The following FHIT variants were observed in gnomAD, a reference collection of about 807,000 sequenced individuals.
FHIT encodes the protein bis(5'-adenosyl)-triphosphatase.
In FHIT, 19 loss-of-function variants were observed where a neutral mutation model predicts 17.9. The observed-to-expected ratio is 1.06, with a 90% confidence interval of 0.74 to 1.56. The LOEUF (loss-of-function observed/expected upper bound fraction) is 1.56. Among genes scored for constraint, FHIT ranks in the 40% most tolerant of loss-of-function variants. The pLI is 0.00. For synonymous variants in FHIT, 81 were observed against 69.7 expected (o/e 1.16, Z -0.81); for missense variants, 248 against 189.2 (o/e 1.31, Z -1.82).
chr3:60,529,773 G>C (rs948477327), intron 5 of FHIT, among the ~76,000 whole-genome samples: 3 of 152,086 alleles, frequency 2.0e-5, no homozygotes, highest in South Asian at 2.1e-4. Context: ...CCAAATTACA[G>C]GATACCCATG....
intron 5 of FHIT, among the ~76,000 whole-genome samples, chr3:60,155,925 C>T (rs1040337): frequency 0.58 from 88,252 of 152,020 alleles, 26,325 homozygotes; most frequent in Middle Eastern, 0.67. Flanking sequence ...AGACATAAAG[C>T]GTGCAAAAGC....
At chr3:59,863,421 C>T (rs1559675164) in intron 8 of FHIT, among the ~76,000 whole-genome samples, 1 of 152,212 alleles carries the variant, frequency 6.6e-6, no homozygotes, top group Non-Finnish European at 1.5e-5. Context: ...GAAGAAACAA[C>T]GCCTGCAACG....
At chr3:59,877,171 A>G (rs1359176526) in intron 8 of FHIT, among the ~76,000 whole-genome samples, 1 of 152,192 alleles carries the variant, frequency 6.6e-6, no homozygotes, top group Non-Finnish European at 1.5e-5. Flanking sequence ...TGATGTAACC[A>G]TTCATTATCT....
chr3:60,875,510 G>A (rs548234748), intron 3 of FHIT, among the ~76,000 whole-genome samples: 1 of 152,280 alleles, frequency 6.6e-6, no homozygotes, highest in African/African-American at 2.4e-5. Flanking sequence ...TGTTCAGCAT[G>A]CAGGGACCTT....
At chr3:60,220,227 G>A (rs566873927) in intron 5 of FHIT, among the ~76,000 whole-genome samples, 2 of 152,132 alleles carry the variant, frequency 1.3e-5, no homozygotes, top group African/African-American at 4.8e-5. Context: ...TTGGTTTTGG[G>A]AACATTTTAT....
chr3:60,237,302 C>T (rs1704853172), intron 5 of FHIT, among the ~76,000 whole-genome samples: 1 of 139,928 alleles, frequency 7.1e-6, no homozygotes, highest in South Asian at 2.3e-4. Context: ...ATGATAGCAC[C>T]TATTTCCTAC....
At chr3:59,941,813 C>T (rs1013364567) in intron 7 of FHIT, among the ~76,000 whole-genome samples, 8 of 152,086 alleles carry the variant, frequency 5.3e-5, no homozygotes, top group African/African-American at 1.9e-4. Flanking sequence ...TGACAATGAT[C>T]CCCAATGCAT....
chr3:60,524,227 C>G (rs928403971), intron 5 of FHIT, among the ~76,000 whole-genome samples: 33 of 103,612 alleles, frequency 3.2e-4, no homozygotes, highest in Middle Eastern at 4.1e-3. Flanking sequence ...CACACACACA[C>G]ACACACACAC....
intron 4 of FHIT, among the ~76,000 whole-genome samples, chr3:60,612,822 T>A (rs1472099570): frequency 6.6e-6 from 1 of 152,192 alleles, no homozygotes; most frequent in African/African-American, 2.4e-5. Context: ...GCAGACATTA[T>A]TAATCAATAA....
chr3:60,062,393 A>G (rs931291900), intron 5 of FHIT, among the ~76,000 whole-genome samples: 2 of 152,186 alleles, frequency 1.3e-5, no homozygotes, highest in African/African-American at 4.8e-5. Flanking sequence ...CTTATTTTCT[A>G]AGCACCTCCT....
At chr3:60,555,663 C>G (rs938282157) in intron 4 of FHIT, among the ~76,000 whole-genome samples, 1 of 152,174 alleles carries the variant, frequency 6.6e-6, no homozygotes, top group East Asian at 1.9e-4. Flanking sequence ...TCCTACCCAT[C>G]TCATTACCTC....
chr3:60,088,293 G>T (rs928016247), intron 5 of FHIT, among the ~76,000 whole-genome samples: 3 of 152,120 alleles, frequency 2.0e-5, no homozygotes, highest in African/African-American at 7.2e-5. Context: ...ATTTCAACAT[G>T]TGCCTTGACA....
intron 4 of FHIT, among the ~76,000 whole-genome samples, chr3:60,590,966 C>A (rs1404165558): frequency 1.3e-5 from 2 of 151,972 alleles, no homozygotes; most frequent in African/African-American, 2.4e-5. Context: ...GAAAAATGGA[C>A]AGAATTAGGG....
At chr3:61,172,160 A>G (rs2038023751) in intron 2 of FHIT, among the ~76,000 whole-genome samples, 1 of 152,212 alleles carries the variant, frequency 6.6e-6, no homozygotes, top group African/African-American at 2.4e-5. Flanking sequence ...TGGAAGACAG[A>G]AAACAATCTC....
chr3:61,142,631 AC>A (rs1455144583), intron 2 of FHIT, among the ~76,000 whole-genome samples: 1 of 152,232 alleles, frequency 6.6e-6, no homozygotes, highest in Non-Finnish European at 1.5e-5. Flanking sequence ...AGTGATCATT[AC>A]AAAAATGACA....
intron 3 of FHIT, among the ~76,000 whole-genome samples, chr3:60,967,153 C>G (rs1709785046): frequency 6.6e-6 from 1 of 152,174 alleles, no homozygotes; most frequent in Non-Finnish European, 1.5e-5. Flanking sequence ...TTCACCTCCT[C>G]AGCCATTTTT....
At chr3:60,119,434 T>C (rs1309871734) in intron 5 of FHIT, among the ~76,000 whole-genome samples, 1 of 152,190 alleles carries the variant, frequency 6.6e-6, no homozygotes, top group Non-Finnish European at 1.5e-5. Flanking sequence ...TGAAGATGCA[T>C]CTTGTAATTG....
chr3:60,540,249 C>A (rs1014891050), intron 4 of FHIT, among the ~76,000 whole-genome samples: 1 of 152,172 alleles, frequency 6.6e-6, no homozygotes, highest in South Asian at 2.1e-4. Context: ...CCATACCTCA[C>A]CTTATGCATC....
At chr3:61,166,689 TGCAGATC>T (rs1238570915) in intron 2 of FHIT, among the ~76,000 whole-genome samples, 1 of 152,230 alleles carries the variant, frequency 6.6e-6, no homozygotes, top group Non-Finnish European at 1.5e-5. Flanking sequence ...CACAGAAAAC[TGCAGATC>T]GTCTTTCCTG....
Sources: allele counts gnomAD v4.1 joint callset (sites outside exome capture counted in the v4.1 genomes callset), GRCh38; gene constraint gnomAD v4.1.1; transcripts MANE v1.5; gene names NCBI Gene and HGNC (gene_info 2026-07-23, HGNC 2026-07-21).